OPN1LW: variants seen among roughly 807,000 people sequenced by gnomAD.
OPN1LW encodes long-wave-sensitive opsin 1.
In OPN1LW, 4 loss-of-function variants were observed where a neutral mutation model predicts 18.1. That is an observed-to-expected ratio of 0.22 (90% CI 0.11 to 0.51). The LOEUF (loss-of-function observed/expected upper bound fraction) is 0.51, where lower values mean the gene tolerates loss of function less well. Among genes scored for constraint, OPN1LW ranks in the 20% least tolerant of loss-of-function variants. The pLI is 0.97. For synonymous variants in OPN1LW, 86 were observed against 101.2 expected (o/e 0.85, Z 0.90); for missense variants, 164 against 234.9 (o/e 0.70, Z 1.97).
In OPN1LW at chrX:154,150,901, G is replaced by A. The variant is rs2067072211; in HGVS notation, c.358G>A (p.Val120Met). 8 of 1,194,759 alleles carry A rather than the reference G, an allele frequency of 6.7e-6. No individual in the cohort carries two copies. The highest frequency in any genetic ancestry group is 9.0e-6 in the Non-Finnish European group (8 of 886,651). Residue 120 changes from valine to methionine, a missense_variant, in exon 2 of 6, where the codon GTG (valine) becomes ATG (methionine). Physicochemically the swap from Val to Met is conservative, Grantham distance 21 (BLOSUM62 1). Around this residue, in one of 3 missense-constraint regions of OPN1LW, gnomAD observed 106 missense variants for 167.7 expected, o/e 0.63. Coordinates refer to ENST00000369951, the MANE Select transcript of OPN1LW (RefSeq NM_020061.6). ...SIVNQVSGYF[V>M]LGHPMCVLEG... ...TGTGAACCAGGTCTCTGGCTACTTC[G>A]TGCTGGGCCACCCTATGTGTGTCCT...
intron 4 of OPN1LW, 39 bp from the exon 5 acceptor site, chrX:154,156,255 G>T (rs1557157954): frequency 2.5e-6 from 3 of 1,182,260 alleles, no homozygotes; most frequent in Non-Finnish European, 3.4e-6. Context: ...GCCTCTTGCT[G>T]CCCTCCAACC....
chrX:154,151,061 C>G, intron 2 of OPN1LW, 109 bp downstream of exon 2: 2 of 1,092,959 alleles, frequency 1.8e-6, no homozygotes, highest in Non-Finnish European at 1.2e-6. Flanking sequence ...GCCTGTCTCC[C>G]TCCCCATCTG....
Position 154,150,778 on chromosome X carries a change from A to G in OPN1LW, c.235A>G (p.Met79Val), listed in dbSNP as rs1557157437. 5.0e-6 allele frequency: 6 copies of G among 1,202,440 alleles called. No individual in the cohort carries two copies. The highest frequency in any genetic ancestry group is 6.7e-6 in the Non-Finnish European group (6 of 891,225). Residue 79 changes from methionine (M) to valine (V), a missense_variant, in exon 2 of 6, where the codon ATG (methionine) becomes GTG (valine). Transcript: ENST00000369951. Reference protein sequence around the residue: ...FTNGLVLAATMKFKKLRHPLN... With the variant: ...FTNGLVLAATVKFKKLRHPLN... ...AAATGGGCTTGTGCTGGCGGCCACC[A>G]TGAAGTTCAAGAAGCTGCGCCACCC...
intron 1 of OPN1LW, among the ~76,000 whole-genome samples, chrX:154,149,284 T>C (rs1205687544): frequency 9.7e-6 from 1 of 102,647 alleles, no homozygotes; most frequent in Non-Finnish European, 1.9e-5. Flanking sequence ...TCCCAGTACT[T>C]TGGGAGGACA....
Position 154,156,403 on chromosome X carries a change from C to T in OPN1LW, c.854C>T (p.Thr285Ile). Residue 285 changes from threonine (T) to isoleucine (I), a missense_variant, in exon 5 of 6, where the codon ACC becomes ATC. This residue lies in a region of OPN1LW where 53 missense variants were observed against 50.2 expected (regional missense o/e 1.06). Coordinates refer to ENST00000369951, the MANE Select transcript of OPN1LW (RefSeq NM_020061.6). ...TACTGCGTCTGCTGGGGACCCTACACCTTCTTCGCATGCTTTGCTGCTGCC... is the reference window on the plus strand; with the variant it reads ...TACTGCGTCTGCTGGGGACCCTACATCTTCTTCGCATGCTTTGCTGCTGCC... ...FAYCVCWGPY[T>I]FFACFAAANP... 8.3e-7 allele frequency: 1 copy of T among 1,205,199 alleles called. No individual in the cohort carries two copies. Among genetic ancestry groups the T allele is most frequent in the Non-Finnish European group, 1.1e-6 (1 of 890,539 alleles).
chrX:154,145,781 A>G (rs2067056023), intron 1 of OPN1LW, among the ~76,000 whole-genome samples: 1 of 96,263 alleles, frequency 1.0e-5, no homozygotes, highest in Non-Finnish European at 2.1e-5. Context: ...TCAAGCATCT[A>G]CTAAAGTAGA....
rs1399594374 is a variant in OPN1LW, at chrX:154,154,630, C to T, written c.635C>T (p.Ser212Leu). Reference protein sequence around the residue: ...SCGPDVFSGSSYPGVQSYMIV... With the variant: ...SCGPDVFSGSLYPGVQSYMIV... ...GGCCCAGACGTGTTCAGCGGCAGCT[C>T]GTACCCCGGGGTGCAGTCTTACATG... The change falls in exon 4 of 6, where the codon TCG becomes TTG. Residue 212 changes from serine to leucine, a missense_variant. By Grantham distance (145) the Ser-to-Leu change is moderately radical. Transcript: ENST00000369951. 5 of 1,184,661 alleles carry T rather than the reference C, an allele frequency of 4.2e-6. No individual in the cohort carries two copies. In the African/African-American group the frequency reaches 5.5e-5, roughly 13 times the overall value.
rs1450325118 is a variant in OPN1LW, at chrX:154,150,835, G to T, written c.292G>T (p.Ala98Ser). The T allele has an allele frequency of 2.5e-6, 3 of 1,199,894 alleles. No homozygotes were observed. The highest frequency in any genetic ancestry group is 2.7e-4 in the Middle Eastern group (1 of 3,723). ...LNWILVNLAV[A>S]DLAETVIAST... Reference sequence around the variant, plus strand: ...CTGGATCCTGGTGAACCTGGCGGTCGCTGACCTAGCAGAGACCGTCATCGC... The same window carrying T: ...CTGGATCCTGGTGAACCTGGCGGTCTCTGACCTAGCAGAGACCGTCATCGC... The change falls in exon 2 of 6, where the codon GCT (alanine) becomes TCT (serine). Residue 98 changes from alanine (A) to serine (S), a missense_variant. By Grantham distance (99) the Ala-to-Ser change is moderately conservative. This residue lies in a region of OPN1LW where 106 missense variants were observed against 167.7 expected (regional missense o/e 0.63). Transcript: ENST00000369951.
intron 1 of OPN1LW, among the ~76,000 whole-genome samples, chrX:154,148,665 T>C (rs2067063720): frequency 9.5e-6 from 1 of 104,898 alleles, no homozygotes; most frequent in Admixed American, 9.7e-5. Context: ...TTAAACTTGG[T>C]CATTTCTGTA....
chrX:154,149,115 G>A (rs1476116573), intron 1 of OPN1LW, among the ~76,000 whole-genome samples: 1 of 103,619 alleles, frequency 9.7e-6, no homozygotes, highest in Non-Finnish European at 1.9e-5. Context: ...TGAAGCGGGA[G>A]AATGGCGTGA....
chrX:154,154,090 C>T lies in OPN1LW; in HGVS notation c.579-484C>T, dbSNP rs1444271932. 5.2e-5 allele frequency among the ~76,000 whole-genome samples: 5 copies of T among 95,276 alleles called. No homozygotes were observed. In the South Asian group the frequency reaches 1.3e-3, roughly 25 times the overall value. 82.7% of individuals were successfully genotyped at this position (95,276 alleles called of 115,157 possible). On this transcript the variant is annotated intron_variant, in intron 3 of 5. Coordinates refer to ENST00000369951, the MANE Select transcript of OPN1LW (RefSeq NM_020061.6). ...CAAGTGATCCTCCTACCTCAGCCTCCTGAGGAGCTGGGCCTACAGATGCAC... is the reference window on the plus strand; with the variant it reads ...CAAGTGATCCTCCTACCTCAGCCTCTTGAGGAGCTGGGCCTACAGATGCAC...
At chrX:154,144,538 TG>T (rs1262148538) in intron 1 of OPN1LW, 143 bp downstream of exon 1, 5 of 390,445 alleles carry the variant, frequency 1.3e-5, no homozygotes, top group Admixed American at 5.4e-5. Flanking sequence ...TGACATGAAT[TG>T]GGGGGTCCTC....
In OPN1LW at chrX:154,149,214, G is replaced by GA. The variant is rs782274925; in HGVS notation, c.113-1432dup. Among the ~76,000 whole-genome samples the GA allele has an allele frequency of 1.5e-3, 127 of 83,096 alleles. 10 individuals carry two copies. The highest frequency in any genetic ancestry group is 5.4e-3 in the African/African-American group (96 of 17,643). The allele number at this position is 83,096 out of a possible 115,157, so 72.2% of individuals were successfully genotyped here. A position where few individuals can be genotyped will look rare whatever the true frequency, so the allele number is the denominator to read the frequency against. The stretch of plus-strand genomic sequence containing the variant: ...AGCAAGACTCCGTCTCAAAAAAAAA[G>GA]AAAAAAAAAAGAAAAGAAAAATAAA... On this transcript the variant is annotated intron_variant, in intron 1 of 5. Transcript: ENST00000369951.
At chrX:154,149,066 G>A (rs1335526886) in intron 1 of OPN1LW, among the ~76,000 whole-genome samples, 6 of 103,633 alleles carry the variant, frequency 5.8e-5, no homozygotes, top group East Asian at 2.8e-4. Context: ...TTAGCCAGGC[G>A]TGGTGGCGGG....
intron 1 of OPN1LW, among the ~76,000 whole-genome samples, chrX:154,147,965 A>G (rs1557157106): frequency 3.0e-5 from 2 of 66,434 alleles, no homozygotes; most frequent in Admixed American, 1.7e-4. Context: ...AGGAGAAATA[A>G]TTCGTTTGTA....
intron 1 of OPN1LW, 81 bp from the exon 2 acceptor site, chrX:154,150,575 G>C (rs1331669013): frequency 9.4e-7 from 1 of 1,061,033 alleles, no homozygotes. Flanking sequence ...GGAAGGGGGA[G>C]GGGAGAGGTG....
At chrX:154,149,090 A>T (rs1385131459) in intron 1 of OPN1LW, among the ~76,000 whole-genome samples, 3 of 103,771 alleles carry the variant, frequency 2.9e-5, no homozygotes, top group Admixed American at 2.0e-4. Flanking sequence ...CTGTAGTCCC[A>T]GCTACTCAGG....
chrX:154,154,768 C>T (rs1557157853), intron 4 of OPN1LW, 29 bp downstream of exon 4: 2 of 1,121,918 alleles, frequency 1.8e-6, no homozygotes, highest in African/African-American at 3.9e-5. Context: ...CCTGGCCTCA[C>T]CCGCCTCCTG....
chrX:154,154,637 C>T lies in OPN1LW; in HGVS notation c.642C>T (p.Pro214=), dbSNP rs138979991. 84 of 1,186,062 alleles carry T rather than the reference C, an allele frequency of 7.1e-5. No individual in the cohort carries two copies. The highest frequency in any genetic ancestry group is 6.6e-4 in the African/African-American group (36 of 54,601). The change falls in exon 4 of 6, where the codon CCC becomes CCT. Residue 214 remains proline, a synonymous_variant. Transcript: ENST00000369951. ...ACGTGTTCAGCGGCAGCTCGTACCC[C>T]GGGGTGCAGTCTTACATGATTGTCC... ...GPDVFSGSSY[P]GVQSYMIVLM... is the part of the protein sequence containing the mutation.
Sources: allele counts gnomAD v4.1 joint callset (sites outside exome capture counted in the v4.1 genomes callset), GRCh38; gene constraint gnomAD v4.1.1; regional missense constraint gnomAD v4.1.1; transcripts MANE v1.5; gene names NCBI Gene and HGNC (gene_info 2026-07-23, HGNC 2026-07-21).